Variants in CD109 observed in about 807,000 individuals in gnomAD.
CD109 encodes the protein CD109 molecule, also known as CD109 antigen.
CD109 carries 149 observed loss-of-function variants against 165.8 expected under a neutral mutation model. The ratio of observed to expected loss-of-function variants is 0.90; its 90% confidence interval spans 0.79 to 1.03. The LOEUF is 1.03. Among genes scored for constraint, CD109 ranks in the 50% least tolerant of loss-of-function variants. The pLI is 0.00. For synonymous variants in CD109, 585 were observed against 592.1 expected (o/e 0.99, Z 0.18); for missense variants, 1,712 against 1,677.8 (o/e 1.02, Z -0.36).
intron 4 of CD109, among the ~76,000 whole-genome samples, chr6:73,735,242 G>A (rs1467815559): frequency 6.6e-6 from 1 of 152,140 alleles, no homozygotes; most frequent in African/African-American, 2.4e-5. Context: ...GGTACCTAGT[G>A]GTCTAGTATA....
chr6:73,730,373 T>C lies in CD109; in HGVS notation c.306T>C (p.Tyr102=), dbSNP rs1443776687. Residue 102 remains tyrosine (Y), a synonymous_variant, in exon 4 of 33, where the codon TAT becomes TAC. Transcript: ENST00000287097. ...CTCTGAACAGTGCAGATGAGATTTA[T>C]GAGCTACGTGTAACCGGACGTACCC... ...SLPLNSADEI[Y]ELRVTGRTQD... 1 of 1,613,714 alleles carries C rather than the reference T, an allele frequency of 6.2e-7. No individual in the cohort carries two copies. Among genetic ancestry groups the C allele is most frequent in the East Asian group, 2.2e-5 (1 of 44,884 alleles).
rs769755619 is a variant in CD109 at position 73,762,421 on chromosome 6, C to G, written c.796C>G (p.Leu266Val). Reference protein sequence around the residue: ...YGKPVKGDVTLTFLPLSFWGK... With the variant: ...YGKPVKGDVTVTFLPLSFWGK... The stretch of plus-strand genomic sequence containing the variant: ...GAAGCCAGTGAAAGGAGACGTAACG[C>G]TTACATTTTTACCTTTATCCTTTTG... Residue 266 changes from leucine to valine, a missense_variant, in exon 8 of 33, where the codon CTT (leucine) becomes GTT (valine). Leu to Val is a conservative substitution (Grantham distance 32). Coordinates refer to ENST00000287097, the MANE Select transcript of CD109 (RefSeq NM_133493.5). 1.2e-6 allele frequency: 2 copies of G among 1,612,138 alleles called. No individual in the cohort carries two copies. The highest frequency in any genetic ancestry group is 1.7e-6 in the Non-Finnish European group (2 of 1,178,524).
At chr6:73,762,689 A>G in intron 8 of CD109, 52 bp from the exon 9 acceptor site, 5 of 1,456,968 alleles carry the variant, frequency 3.4e-6, no homozygotes, top group Non-Finnish European at 4.7e-6. Flanking sequence ...TTTTATTTCT[A>G]AAATTTGAAT....
chr6:73,716,085 C>T (rs184899408), intron 2 of CD109, among the ~76,000 whole-genome samples: 2 of 152,262 alleles, frequency 1.3e-5, no homozygotes, highest in African/African-American at 4.8e-5. Flanking sequence ...CAGTTCCATC[C>T]ATGTTGTTGC....
chr6:73,812,720 A>G (rs1463940299), intron 29 of CD109, among the ~76,000 whole-genome samples: 1 of 152,140 alleles, frequency 6.6e-6, no homozygotes, highest in Non-Finnish European at 1.5e-5. Context: ...CCTCTGGTAC[A>G]GAAAGAAAAT....
At chr6:73,696,172 A>G, upstream of CD109, 3 of 1,534,508 alleles carry the variant, frequency 2.0e-6, no homozygotes, top group Non-Finnish European at 2.6e-6. Flanking sequence ...GGTGCCCGCG[A>G]ACTTCCCCGG....
intron 1 of CD109, 85 bp downstream of exon 1, chr6:73,696,374 C>T (rs989246443): frequency 6.0e-6 from 7 of 1,157,894 alleles, no homozygotes; most frequent in African/African-American, 3.3e-5. Flanking sequence ...GGGGAGGTGG[C>T]GGCTGCTGTG....
At chr6:73,784,296 AT>A (rs35328323) in intron 19 of CD109, among the ~76,000 whole-genome samples, 58,587 of 152,006 alleles carry the variant, frequency 0.39, 11,601 homozygotes, top group African/African-American at 0.47. Flanking sequence ...AGTGGCCTGA[AT>A]TTTCTCATTT....
intron 17 of CD109, among the ~76,000 whole-genome samples, chr6:73,782,022 T>C (rs1188550189): frequency 1.3e-5 from 2 of 152,202 alleles, no homozygotes; most frequent in African/African-American, 4.8e-5. Context: ...AGGGATTCTC[T>C]TTTCTTTCAG....
At chr6:73,715,924 A>G (rs1771727505) in intron 2 of CD109, among the ~76,000 whole-genome samples, 1 of 152,140 alleles carries the variant, frequency 6.6e-6, no homozygotes, top group African/African-American at 2.4e-5. Flanking sequence ...CTAACCCTTC[A>G]CTACTCTCCC....
intron 9 of CD109, 28 bp downstream of exon 9, chr6:73,762,910 A>G: frequency 6.3e-7 from 1 of 1,576,562 alleles, no homozygotes; most frequent in Non-Finnish European, 8.6e-7. Flanking sequence ...TGGAGGTAAA[A>G]CTATTCATGT....
rs868509354 is a variant in CD109 at position 73,787,513 on chromosome 6, G to C, written c.2556+61G>C. 5.7e-5 allele frequency: 79 copies of C among 1,379,158 alleles called. No homozygotes were observed. The Middle Eastern group carries it at 1.8e-3, about 32-fold the overall frequency. 85.4% of individuals were successfully genotyped at this position (1,379,158 alleles called of 1,614,324 possible). On this transcript the variant is annotated intron_variant, in intron 21 of 32. Coordinates refer to ENST00000287097, the MANE Select transcript of CD109 (RefSeq NM_133493.5). ...ATACGTAATTAAAAAGGAAGCAGAA[G>C]GTTTTTTCTCTTGGTTAAATTTGTT... is the stretch of plus-strand genomic sequence containing the variant.
intron 15 of CD109, among the ~76,000 whole-genome samples, chr6:73,777,795 A>G (rs540608509): frequency 3.3e-5 from 5 of 152,208 alleles, no homozygotes; most frequent in African/African-American, 1.2e-4. Flanking sequence ...TGTGAGTACC[A>G]TGCTGTTTTG....
intron 6 of CD109, among the ~76,000 whole-genome samples, chr6:73,756,917 T>C (rs866702102): frequency 4.6e-5 from 7 of 152,238 alleles, no homozygotes; most frequent in Non-Finnish European, 8.8e-5. Flanking sequence ...GTCTTTTTCT[T>C]ATCCACAACA....
intron 22 of CD109, among the ~76,000 whole-genome samples, chr6:73,789,227 T>C (rs539782509): frequency 6.6e-6 from 1 of 152,302 alleles, no homozygotes; most frequent in Non-Finnish European, 1.5e-5. Context: ...ACCTTTACAG[T>C]AGGAAGTTAC....
chr6:73,706,818 C>T (rs1181349442), intron 2 of CD109, among the ~76,000 whole-genome samples: 1 of 152,114 alleles, frequency 6.6e-6, no homozygotes, highest in South Asian at 2.1e-4. Flanking sequence ...CCTAGTAGCT[C>T]CCTTTTGGCA....
chr6:73,749,175 C>G (rs1773089593), intron 5 of CD109, among the ~76,000 whole-genome samples: 1 of 152,136 alleles, frequency 6.6e-6, no homozygotes, highest in Non-Finnish European at 1.5e-5. Context: ...AGCTTACAAT[C>G]AGAAAAGCTT....
chr6:73,706,630 TC>T (rs1382486734), intron 2 of CD109, among the ~76,000 whole-genome samples: 2 of 152,192 alleles, frequency 1.3e-5, no homozygotes, highest in Non-Finnish European at 2.9e-5. Flanking sequence ...GAGACTTTCT[TC>T]CGTTGCAAGG....
intron 5 of CD109, among the ~76,000 whole-genome samples, chr6:73,750,561 G>C (rs183074363): frequency 5.6e-4 from 85 of 152,078 alleles, no homozygotes; most frequent in African/African-American, 2.0e-3. Context: ...AGGCAGAATC[G>C]AGATTTCAAG....
Sources: allele counts gnomAD v4.1 joint callset (sites outside exome capture counted in the v4.1 genomes callset), GRCh38; gene constraint gnomAD v4.1.1; transcripts MANE v1.5; gene names NCBI Gene and HGNC (gene_info 2026-07-23, HGNC 2026-07-21).